Variants in GALNT13 observed in about 807,000 individuals in gnomAD.
GALNT13 encodes UDP-GalNAc:polypeptide N-acetylgalactosaminyltransferase 13.
Under a neutral mutation model 64.2 loss-of-function variants are expected in GALNT13, and 28 were observed. The observed-to-expected ratio is 0.44, with a 90% CI of 0.32 to 0.60. GALNT13 has a LOEUF of 0.60. GALNT13 is among the 20% of genes least tolerant of loss of function. The probability of loss-of-function intolerance (pLI) is 0.05; values close to 1 mark genes in which losing one functional copy is unlikely to be tolerated. For synonymous variants in GALNT13, 214 were observed against 224.6 expected (o/e 0.95, Z 0.42); for missense variants, 577 against 669.8 (o/e 0.86, Z 1.53).
At chr2:153,503,447 ATTAAT>A in the GALNT13 span, among the ~76,000 whole-genome samples, 1 of 151,710 alleles carries the variant, frequency 6.6e-6, no homozygotes, top group Non-Finnish European at 1.5e-5. Flanking sequence ...TTTTTAAATA[ATTAAT>A]TTATTTGAGA....
chr2:154,111,422 G>A (rs148562102), intron 3 of GALNT13, among the ~76,000 whole-genome samples: 10,782 of 152,112 alleles, frequency 0.071, 601 homozygotes, highest in African/African-American at 0.15. Flanking sequence ...TTGATAGTCC[G>A]GGTCAATCAC....
the GALNT13 span, among the ~76,000 whole-genome samples, chr2:153,697,668 A>G: frequency 2.6e-5 from 4 of 152,226 alleles, no homozygotes; most frequent in Non-Finnish European, 5.9e-5. Context: ...GCTATGAGTA[A>G]TATGTGATAA....
intron 4 of GALNT13, among the ~76,000 whole-genome samples, chr2:154,174,125 A>C (rs959417535): frequency 6.6e-6 from 1 of 152,102 alleles, no homozygotes; most frequent in Non-Finnish European, 1.5e-5. Flanking sequence ...GCAATTTATG[A>C]TTTTCTTGAT....
chr2:154,027,529 T>C (rs1252283252), intron 3 of GALNT13, among the ~76,000 whole-genome samples: 1 of 152,154 alleles, frequency 6.6e-6, no homozygotes, highest in African/African-American at 2.4e-5. Flanking sequence ...TAATCCATAA[T>C]GGGTCTCTAT....
At chr2:153,552,947 A>G in the GALNT13 span, among the ~76,000 whole-genome samples, 1 of 152,158 alleles carries the variant, frequency 6.6e-6, no homozygotes, top group Non-Finnish European at 1.5e-5. Context: ...TCAGGCAGTA[A>G]TGCTTGCTTA....
chr2:153,562,060 CTG>C, the GALNT13 span, among the ~76,000 whole-genome samples: 574 of 118,910 alleles, frequency 4.8e-3, 3 homozygotes, highest in East Asian at 0.025. Context: ...CTCTCTCTCT[CTG>C]TGTGTGTGTG....
intron 3 of GALNT13, among the ~76,000 whole-genome samples, chr2:154,111,608 G>A (rs4555297): frequency 0.95 from 144,197 of 152,256 alleles, 68,569 homozygotes; most frequent in East Asian, 1. Context: ...GGTCACGGGA[G>A]CAGGAAGCAA....
intron 9 of GALNT13, among the ~76,000 whole-genome samples, chr2:154,316,905 G>A (rs1006237098): frequency 2.0e-5 from 3 of 152,170 alleles, no homozygotes; most frequent in African/African-American, 7.2e-5. Context: ...TGAAAGGAAT[G>A]GAGCTTTGAC....
At chr2:153,151,505 A>G in the GALNT13 span, among the ~76,000 whole-genome samples, 1 of 152,018 alleles carries the variant, frequency 6.6e-6, no homozygotes, top group Non-Finnish European at 1.5e-5. Flanking sequence ...ATTATAAATC[A>G]TGCTGCTATA....
chr2:154,365,141 A>C (rs1697298235), intron 9 of GALNT13, among the ~76,000 whole-genome samples: 1 of 152,172 alleles, frequency 6.6e-6, no homozygotes, highest in South Asian at 2.1e-4. Flanking sequence ...TTTTCTTTTC[A>C]AATGAGTAAA....
At chr2:153,080,041 G>A in the GALNT13 span, among the ~76,000 whole-genome samples, 92 of 152,166 alleles carry the variant, frequency 6.0e-4, no homozygotes, top group Non-Finnish European at 1.2e-3. Context: ...AAATTTATTT[G>A]CAAAGAGTTG....
chr2:153,319,770 G>A, the GALNT13 span, among the ~76,000 whole-genome samples: 4 of 151,986 alleles, frequency 2.6e-5, no homozygotes, highest in African/African-American at 7.3e-5. Context: ...GATCCTCACC[G>A]TATTCCTTTG....
At chr2:153,167,085 G>A in the GALNT13 span, among the ~76,000 whole-genome samples, 3 of 152,160 alleles carry the variant, frequency 2.0e-5, no homozygotes, top group African/African-American at 4.8e-5. Context: ...AATGTGTGTT[G>A]TTTTAAGCTG....
At chr2:153,646,452 C>CTT in the GALNT13 span, among the ~76,000 whole-genome samples, 1 of 137,848 alleles carries the variant, frequency 7.3e-6, no homozygotes, top group African/African-American at 2.5e-5. Context: ...TCTTTTTTTT[C>CTT]TTTTATATAT....
At chr2:154,386,960 C>T (rs181583282) in intron 9 of GALNT13, among the ~76,000 whole-genome samples, 1 of 152,084 alleles carries the variant, frequency 6.6e-6, no homozygotes, top group South Asian at 2.1e-4. Flanking sequence ...TAATCCTCTT[C>T]CTGTGTGACA....
intron 9 of GALNT13, among the ~76,000 whole-genome samples, chr2:154,342,126 T>C (rs1458492941): frequency 1.3e-5 from 2 of 151,946 alleles, no homozygotes; most frequent in African/African-American, 2.4e-5. Flanking sequence ...TTCATTTGAG[T>C]GGAGTCCAGG....
chr2:153,312,687 T>C, the GALNT13 span, among the ~76,000 whole-genome samples: 2 of 152,186 alleles, frequency 1.3e-5, no homozygotes, highest in Non-Finnish European at 2.9e-5. Context: ...AGAAATAAAG[T>C]GTTTTTATAC....
At chr2:154,121,338 T>C (rs1681930888) in intron 3 of GALNT13, among the ~76,000 whole-genome samples, 1 of 152,182 alleles carries the variant, frequency 6.6e-6, no homozygotes, top group African/African-American at 2.4e-5. Flanking sequence ...TTTAGTCTTT[T>C]GTATCAGTAT....
chr2:153,901,866 T>C (rs559287716), intron 2 of GALNT13, among the ~76,000 whole-genome samples: 2 of 152,286 alleles, frequency 1.3e-5, no homozygotes, highest in African/African-American at 4.8e-5. Flanking sequence ...TCTTCTATTA[T>C]ACTTTTCAGC....
Sources: allele counts gnomAD v4.1 joint callset (sites outside exome capture counted in the v4.1 genomes callset), GRCh38; gene constraint gnomAD v4.1.1; transcripts MANE v1.5; gene names NCBI Gene and HGNC (gene_info 2026-07-23, HGNC 2026-07-21).